The following RBFOX1 variants were observed in gnomAD, a reference collection of about 807,000 sequenced individuals.
RBFOX1 encodes RNA binding fox-1 homolog 1, also known as RNA binding protein fox-1 homolog 1.
A neutral mutation model predicts 57.7 loss-of-function variants in RBFOX1; 8 were observed. The observed-to-expected ratio is 0.14, with a 90% confidence interval of 0.08 to 0.25. The LOEUF is 0.25. Ranked by LOEUF, RBFOX1 falls within the 10% of genes least tolerant of loss-of-function variation. The probability of loss-of-function intolerance (pLI) is 1.00; values close to 1 mark genes in which losing one functional copy is unlikely to be tolerated. For missense variants in RBFOX1, 611 were observed against 548.5 expected (o/e 1.11, Z -1.14); for synonymous variants, 326 against 222.4 (o/e 1.47, Z -4.15).
intron 6 of RBFOX1, among the ~76,000 whole-genome samples, chr16:7,581,560 T>C (rs1198185590): frequency 2.0e-5 from 3 of 152,148 alleles, no homozygotes; most frequent in Non-Finnish European, 4.4e-5. Flanking sequence ...CAGGCTACAA[T>C]GCTAAGTCAT....
chr16:7,077,172 C>T (rs1022692226), intron 4 of RBFOX1, among the ~76,000 whole-genome samples: 10 of 152,124 alleles, frequency 6.6e-5, no homozygotes, highest in Admixed American at 1.3e-4. Context: ...TCTGAATAAG[C>T]GGTTTCCCAG....
intron 3 of RBFOX1, among the ~76,000 whole-genome samples, chr16:6,977,890 C>T (rs545952843): frequency 4.9e-5 from 7 of 143,270 alleles, no homozygotes; most frequent in East Asian, 4.1e-4. Flanking sequence ...TGAGGGGACT[C>T]TCTAGGGAGA....
In RBFOX1 at chr16:6,210,347, A is replaced by AAAC. The variant is rs1567684223; in HGVS notation, c.-126-106646_-126-106645insCAA. Among the ~76,000 whole-genome samples, 28 of 78,750 alleles carry AAAC rather than the reference A, an allele frequency of 3.6e-4. 1 individual carries two copies. Among genetic ancestry groups the AAAC allele is most frequent in the East Asian group, 1.0e-3 (2 of 1,910 alleles). The allele number at this position is 78,750 out of a possible 152,430, so 51.7% of individuals were successfully genotyped here. On this transcript the variant is annotated intron_variant, in intron 1 of 15. Transcript: ENST00000550418. ...AAAAAAACAAAAAAACAAAAAAACA[A>AAAC]AAAAAAAAAACACCAAAAAAAAAAA...
At chr16:6,608,704 T>G (rs1039638223) in intron 2 of RBFOX1, among the ~76,000 whole-genome samples, 9 of 152,148 alleles carry the variant, frequency 5.9e-5, no homozygotes, top group Non-Finnish European at 1.3e-4. Context: ...TCCAGGAGTT[T>G]GACGCTACAG....
chr16:6,323,503 T>C (rs1339956459), intron 2 of RBFOX1, among the ~76,000 whole-genome samples: 1 of 152,132 alleles, frequency 6.6e-6, no homozygotes, highest in African/African-American at 2.4e-5. Context: ...GAGTTGTTCA[T>C]TGAGTTGAAT....
chr16:7,475,488 G>A (rs1231744737), intron 4 of RBFOX1, among the ~76,000 whole-genome samples: 1 of 151,918 alleles, frequency 6.6e-6, no homozygotes, highest in Non-Finnish European at 1.5e-5. Context: ...CTAACTTTTT[G>A]TATTTTTAGT....
intron 4 of RBFOX1, among the ~76,000 whole-genome samples, chr16:7,176,518 T>A (rs1016174670): frequency 1.3e-5 from 2 of 152,150 alleles, no homozygotes; most frequent in African/African-American, 4.8e-5. Context: ...TCCTCTTGTT[T>A]TTGTAAATAC....
intron 2 of RBFOX1, among the ~76,000 whole-genome samples, chr16:6,624,494 C>A (rs17721053): frequency 1.2e-4 from 18 of 151,944 alleles, no homozygotes; most frequent in Non-Finnish European, 2.6e-4. Context: ...ATCTACCTAA[C>A]AGAACATACC....
At chr16:6,879,800 C>A (rs568860510) in intron 3 of RBFOX1, among the ~76,000 whole-genome samples, 12 of 152,142 alleles carry the variant, frequency 7.9e-5, no homozygotes, top group Non-Finnish European at 1.5e-4. Flanking sequence ...GGAATGGAAG[C>A]ATTTTTGATG....
At chr16:7,376,763 C>T (rs555991186) in intron 4 of RBFOX1, among the ~76,000 whole-genome samples, 19 of 152,244 alleles carry the variant, frequency 1.2e-4, no homozygotes, top group South Asian at 6.2e-4. Context: ...AAAGTTAAAA[C>T]GTCAGTGCAG....
At chr16:7,386,081 G>A (rs2097874272) in intron 4 of RBFOX1, among the ~76,000 whole-genome samples, 1 of 151,916 alleles carries the variant, frequency 6.6e-6, no homozygotes, top group South Asian at 2.1e-4. Context: ...GAGCCACCAT[G>A]CCCAGCCAGC....
In RBFOX1 at chr16:7,100,730, A is replaced by G. The variant is rs116059244; in HGVS notation, c.27+48632A>G. On this transcript the variant is annotated intron_variant, in intron 4 of 15. Coordinates refer to ENST00000550418, the MANE Select transcript of RBFOX1 (RefSeq NM_018723.4). The stretch of plus-strand genomic sequence containing the variant: ...AAAATGGACAAGGGAGAGTGAACAG[A>G]GGACTCAGAGGGGGAAAAAAGATCC... Among the ~76,000 whole-genome samples, 877 of 152,262 alleles carry G rather than the reference A, an allele frequency of 5.8e-3. 9 individuals are homozygous for G. The highest frequency in any genetic ancestry group is 0.031 in the Middle Eastern group (9 of 294).
At chr16:6,530,758 C>CT (rs1599016678) in intron 2 of RBFOX1, among the ~76,000 whole-genome samples, 2 of 138,980 alleles carry the variant, frequency 1.4e-5, no homozygotes, top group African/African-American at 2.6e-5. Context: ...GTCCCTTCCC[C>CT]ACCCCCATCT....
intron 4 of RBFOX1, among the ~76,000 whole-genome samples, chr16:7,284,703 A>G (rs1395358370): frequency 1.3e-5 from 2 of 152,166 alleles, no homozygotes; most frequent in Non-Finnish European, 2.9e-5. Flanking sequence ...TTAATCCTGG[A>G]TCTGATACTT....
At chr16:5,813,008 CTTTTT>C (rs565304481) in intron 3 of RBFOX1, among the ~76,000 whole-genome samples, 2 of 135,940 alleles carry the variant, frequency 1.5e-5, no homozygotes, top group African/African-American at 5.5e-5. Context: ...CCTTTAACCA[CTTTTT>C]TTTTTTTTTT....
chr16:7,622,303 A>G (rs930787050), intron 10 of RBFOX1, among the ~76,000 whole-genome samples: 1 of 152,222 alleles, frequency 6.6e-6, no homozygotes, highest in Non-Finnish European at 1.5e-5. Context: ...TCTGTCCTAC[A>G]GGGTCATTAA....
intron 2 of RBFOX1, among the ~76,000 whole-genome samples, chr16:5,577,516 G>A (rs181714919): frequency 4.6e-5 from 7 of 152,272 alleles, no homozygotes; most frequent in African/African-American, 1.4e-4. Context: ...CTTATCCCCA[G>A]AATGAATAAT....
intron 4 of RBFOX1, among the ~76,000 whole-genome samples, chr16:7,219,461 C>T (rs989515612): frequency 6.6e-6 from 1 of 152,158 alleles, no homozygotes; most frequent in African/African-American, 2.4e-5. Context: ...CTGCTCCAAC[C>T]GTGTTCATTT....
intron 2 of RBFOX1, among the ~76,000 whole-genome samples, chr16:5,519,327 C>A (rs1260910592): frequency 6.6e-6 from 1 of 152,162 alleles, no homozygotes; most frequent in Non-Finnish European, 1.5e-5. Context: ...CTTTTACTAT[C>A]CTGACTAACC....
Sources: gnomAD v4.1 joint callset for allele counts (sites outside exome capture counted in the v4.1 genomes callset) on GRCh38, gnomAD v4.1.1 for gene constraint, MANE v1.5 for transcripts, NCBI Gene and HGNC (gene_info 2026-07-23, HGNC 2026-07-21) for gene names.